Variants in SLC7A14 observed in about 807,000 individuals in gnomAD.
SLC7A14 encodes the protein gamma-aminobutyric acid transporter SLC7A14.
SLC7A14 carries 37 observed loss-of-function variants against 60.2 expected under a neutral mutation model. The ratio of observed to expected loss-of-function variants is 0.61; its 90% confidence interval spans 0.47 to 0.81. SLC7A14 has a LOEUF of 0.81. Ranked by LOEUF, SLC7A14 falls within the 30% of genes least tolerant of loss-of-function variation. The probability of loss-of-function intolerance (pLI) is 0.00; values close to 1 mark genes in which losing one functional copy is unlikely to be tolerated. For missense variants in SLC7A14, 886 were observed against 982.7 expected, an observed-to-expected ratio of 0.90 and a Z score of 1.32; for synonymous variants, 399 against 395.8, an observed-to-expected ratio of 1.01 and a Z score of -0.10.
intron 1 of SLC7A14, among the ~76,000 whole-genome samples, chr3:170,530,372 G>A (rs1465880592): frequency 6.6e-6 from 1 of 152,182 alleles, no homozygotes; most frequent in Non-Finnish European, 1.5e-5. Flanking sequence ...GTGTCGTGTT[G>A]ACTAATTAAA....
At chr3:170,566,578 T>C (rs1462463181) in intron 1 of SLC7A14, among the ~76,000 whole-genome samples, 2 of 152,168 alleles carry the variant, frequency 1.3e-5, no homozygotes, top group Admixed American at 6.5e-5. Context: ...GCCACATCCA[T>C]CCCACTCACT....
chr3:170,542,885 A>G (rs1413808235), intron 1 of SLC7A14, among the ~76,000 whole-genome samples: 1 of 152,170 alleles, frequency 6.6e-6, no homozygotes, highest in East Asian at 1.9e-4. Context: ...TGATATTTAG[A>G]TGTGAGTATG....
Position 170,532,038 on chromosome 3 carries a change from A to G in SLC7A14, c.-152-4950T>C, listed in dbSNP as rs1433553482. ...AGGAAACGAAGGCTAACAAAACAGT[A>G]AACAGCCAGTAATCATTCCTGCCTG... is the stretch of plus-strand genomic sequence containing the variant. On this transcript the variant is annotated intron_variant, in intron 1 of 7. Coordinates refer to ENST00000231706, the MANE Select transcript of SLC7A14 (RefSeq NM_020949.3). This position sits in a 1 kb window ranked among gnomAD's most constrained non-coding sequence, Gnocchi z 4.0. Among the ~76,000 whole-genome samples the G allele has an allele frequency of 6.6e-6, 1 of 152,208 alleles. No homozygotes were observed. The highest frequency in any genetic ancestry group is 1.5e-5 in the Non-Finnish European group (1 of 68,034).
chr3:170,577,961 T>C (rs1337205676), intron 1 of SLC7A14, among the ~76,000 whole-genome samples: 1 of 152,244 alleles, frequency 6.6e-6, no homozygotes, highest in East Asian at 1.9e-4. Flanking sequence ...GTTTTAGTCT[T>C]AGCCTTGACC....
In SLC7A14 at chr3:170,523,808, G is replaced by A. The variant is rs184327765; in HGVS notation, c.304+2825C>T. On this transcript the variant is annotated intron_variant, in intron 2 of 7. Coordinates refer to ENST00000231706, the MANE Select transcript of SLC7A14 (RefSeq NM_020949.3). The stretch of plus-strand genomic sequence containing the variant: ...TTTTGCCAAAGGTGAAACAATATGG[G>A]GATGATGATGTGAAAGTGGAAAAAA... Among the ~76,000 whole-genome samples the A allele has an allele frequency of 2.5e-4, 38 of 152,216 alleles. No individual in the cohort carries two copies. The East Asian group carries it at 6.0e-3, about 24-fold the overall frequency.
intron 5 of SLC7A14, 105 bp from the exon 6 acceptor site, chr3:170,483,627 C>A: frequency 8.0e-7 from 1 of 1,249,318 alleles, no homozygotes. Flanking sequence ...CAGAGGCTTG[C>A]ATGGCAGTTT....
At chr3:170,526,204 C>T (rs563700015) in intron 2 of SLC7A14, among the ~76,000 whole-genome samples, 103 of 151,914 alleles carry the variant, frequency 6.8e-4, no homozygotes, top group Non-Finnish European at 1.2e-3. Flanking sequence ...GAGTTTGAGA[C>T]CAGTCTGGCC....
intron 1 of SLC7A14, among the ~76,000 whole-genome samples, chr3:170,572,469 AATT>A (rs1186689489): frequency 6.6e-6 from 1 of 152,220 alleles, no homozygotes; most frequent in Non-Finnish European, 1.5e-5. Context: ...ATAGCTGTCA[AATT>A]ATTCTTGACT....
intron 2 of SLC7A14, among the ~76,000 whole-genome samples, chr3:170,512,653 C>CCTTTTTT (rs1483240298): frequency 2.7e-5 from 2 of 74,730 alleles, no homozygotes; most frequent in Non-Finnish European, 3.0e-5. Context: ...GTACAATTTG[C>CCTTTTTT]ATTTTTTTTT....
intron 7 of SLC7A14, among the ~76,000 whole-genome samples, chr3:170,469,104 G>A (rs558652046): frequency 6.6e-6 from 1 of 152,310 alleles, no homozygotes; most frequent in East Asian, 1.9e-4. Context: ...GGTCCATACA[G>A]TATGCAACCT....
intron 2 of SLC7A14, among the ~76,000 whole-genome samples, chr3:170,524,870 C>T (rs1713443809): frequency 1.3e-5 from 2 of 152,064 alleles, no homozygotes; most frequent in South Asian, 2.1e-4. Context: ...ATGGTAAAAC[C>T]AACAGGAAAG....
chr3:170,477,549 T>C (rs1861938), intron 7 of SLC7A14, among the ~76,000 whole-genome samples: 80,029 of 152,152 alleles, frequency 0.53, 22,891 homozygotes, highest in Middle Eastern at 0.67. Flanking sequence ...TGATATGTGA[T>C]AAGCACGGTA....
At chr3:170,484,031 G>A (rs1259425534) in intron 5 of SLC7A14, among the ~76,000 whole-genome samples, 10 of 152,176 alleles carry the variant, frequency 6.6e-5, no homozygotes, top group African/African-American at 2.4e-4. Context: ...GTGCTTAAGA[G>A]GTCTATAGCC....
At chr3:170,510,441 T>C (rs1712944041) in intron 2 of SLC7A14, among the ~76,000 whole-genome samples, 1 of 151,366 alleles carries the variant, frequency 6.6e-6, no homozygotes, top group Non-Finnish European at 1.5e-5. Flanking sequence ...AACCAACCTA[T>C]CTGTTTACTC....
chr3:170,570,871 A>G (rs1560284092), intron 1 of SLC7A14, among the ~76,000 whole-genome samples: 1 of 152,086 alleles, frequency 6.6e-6, no homozygotes, highest in Non-Finnish European at 1.5e-5. Context: ...CTTTAGGAGT[A>G]CAAGTGGTTT....
At chr3:170,563,417 GTT>G (rs67991294) in intron 1 of SLC7A14, among the ~76,000 whole-genome samples, 45,749 of 111,650 alleles carry the variant, frequency 0.41, 8,521 homozygotes, top group African/African-American at 0.52. Context: ...TTGTTTGTTT[GTT>G]TTTTTTTTTT....
Position 170,535,444 on chromosome 3 carries a change from GC to G in SLC7A14, c.-152-8357del, listed in dbSNP as rs1463615834. 6.6e-6 allele frequency among the ~76,000 whole-genome samples: 1 copy of G among 152,076 alleles called. No individual in the cohort carries two copies. Among genetic ancestry groups the G allele is most frequent in the Non-Finnish European group, 1.5e-5 (1 of 68,018 alleles). The stretch of plus-strand genomic sequence containing the variant: ...CCGGTGTGTGTTTAGTTCAATGGTA[GC>G]TGTTATGGCCATAAAATAAATTATT... On this transcript the variant is annotated intron_variant, in intron 1 of 7. Transcript: ENST00000231706. This position sits in a 1 kb window ranked among gnomAD's most constrained non-coding sequence, Gnocchi z 4.3.
At chr3:170,527,211 A>G (rs1713540702) in intron 1 of SLC7A14, 123 bp from the exon 2 acceptor site, 2 of 468,140 alleles carry the variant, frequency 4.3e-6, no homozygotes, top group Admixed American at 7.0e-5. Context: ...TGCTCATAAC[A>G]CGGAAGGGTT....
rs545951699 is a variant in SLC7A14 at position 170,485,034 on chromosome 3, C to T, written c.906+1188G>A. On this transcript the variant is annotated intron_variant, in intron 5 of 7. Transcript: ENST00000231706. ...TAAGGGCCCACTCCTGGAGGAAGGG[C>T]GGGAATGAAGGAGGAGTAGAAGGGG... 5.9e-5 allele frequency among the ~76,000 whole-genome samples: 9 copies of T among 152,124 alleles called. No homozygotes were observed. In the East Asian group the frequency reaches 1.2e-3, roughly 20 times the overall value.
Sources: gnomAD v4.1 joint callset for allele counts (sites outside exome capture counted in the v4.1 genomes callset) on GRCh38, gnomAD v4.1.1 for gene constraint, Gnocchi (gnomAD v3.1) non-coding constraint, MANE v1.5 for transcripts, NCBI Gene and HGNC (gene_info 2026-07-23, HGNC 2026-07-21) for gene names.